The following PPARGC1A variants were observed in gnomAD, a reference collection of about 807,000 sequenced individuals.
PPARGC1A encodes the protein peroxisome proliferator-activated receptor gamma coactivator 1-alpha.
In PPARGC1A, 25 loss-of-function variants were observed where a neutral mutation model predicts 88.7. The observed-to-expected ratio is 0.28, with a 90% CI of 0.21 to 0.39. The LOEUF is 0.39. Among genes scored for constraint, PPARGC1A ranks in the 10% least tolerant of loss-of-function variants. The probability of loss-of-function intolerance (pLI) is 1.00; values close to 1 mark genes in which losing one functional copy is unlikely to be tolerated. For synonymous variants in PPARGC1A, 363 were observed against 355.6 expected (o/e 1.02, Z -0.24); for missense variants, 880 against 968.7 (o/e 0.91, Z 1.22).
chr4:24,157,384 C>T, the PPARGC1A span, among the ~76,000 whole-genome samples: 149 of 152,302 alleles, frequency 9.8e-4, no homozygotes, highest in South Asian at 7.3e-3. Context: ...TCAGAATCTC[C>T]TTGGTGTGCT....
At chr4:24,139,990 C>T in the PPARGC1A span, among the ~76,000 whole-genome samples, 1 of 152,204 alleles carries the variant, frequency 6.6e-6, no homozygotes, top group African/African-American at 2.4e-5. Flanking sequence ...CAGGTTTGCT[C>T]CTTCCCTGTG....
At chr4:24,214,040 T>C in the PPARGC1A span, among the ~76,000 whole-genome samples, 3 of 152,112 alleles carry the variant, frequency 2.0e-5, no homozygotes, top group Non-Finnish European at 2.9e-5. Context: ...AAAACACACA[T>C]AAAAATTCCG....
the PPARGC1A span, among the ~76,000 whole-genome samples, chr4:23,963,625 T>G: frequency 6.6e-6 from 1 of 152,154 alleles, no homozygotes; most frequent in Non-Finnish European, 1.5e-5. Flanking sequence ...AAGATCTACA[T>G]GGAGGCACAG....
the PPARGC1A span, among the ~76,000 whole-genome samples, chr4:24,356,216 A>AGAG: frequency 2.7e-5 from 4 of 150,430 alleles, no homozygotes; most frequent in African/African-American, 9.8e-5. Context: ...AAAAAAAAAA[A>AGAG]AGAGAGAGAG....
At chr4:24,175,883 C>T in the PPARGC1A span, among the ~76,000 whole-genome samples, 3 of 152,078 alleles carry the variant, frequency 2.0e-5, no homozygotes, top group Non-Finnish European at 4.4e-5. Context: ...ACCATTCCCA[C>T]GGGCAGCACA....
At chr4:24,150,388 GC>G in the PPARGC1A span, among the ~76,000 whole-genome samples, 1 of 152,158 alleles carries the variant, frequency 6.6e-6, no homozygotes, top group Non-Finnish European at 1.5e-5. Flanking sequence ...TGGCTTTGAA[GC>G]CTCTGTTCTT....
the PPARGC1A span, among the ~76,000 whole-genome samples, chr4:24,350,091 G>T: frequency 1.3e-5 from 2 of 152,232 alleles, no homozygotes; most frequent in Non-Finnish European, 2.9e-5. Flanking sequence ...TGGGGGGTGT[G>T]TTCGGGAGAG....
At chr4:24,013,821 T>C in the PPARGC1A span, among the ~76,000 whole-genome samples, 1 of 152,222 alleles carries the variant, frequency 6.6e-6, no homozygotes, top group East Asian at 1.9e-4. Flanking sequence ...TGTGAAGCAC[T>C]GCTAGGGTGC....
chr4:23,947,467 T>C, the PPARGC1A span, among the ~76,000 whole-genome samples: 1 of 149,350 alleles, frequency 6.7e-6, no homozygotes, highest in Non-Finnish European at 1.5e-5. Context: ...ACGCTGCTGG[T>C]AAGAAGTGAA....
At chr4:23,846,624 A>C (rs1728371526) in intron 2 of PPARGC1A, among the ~76,000 whole-genome samples, 1 of 152,158 alleles carries the variant, frequency 6.6e-6, no homozygotes, top group Non-Finnish European at 1.5e-5. Flanking sequence ...CTGTGCATCA[A>C]AATTAGTGTC....
At chr4:23,892,729 T>A (rs1652860645), upstream of PPARGC1A, among the ~76,000 whole-genome samples, 1 of 152,126 alleles carries the variant, frequency 6.6e-6, no homozygotes. Flanking sequence ...TTCCCAAATA[T>A]CTGGTTTCAG....
chr4:24,274,810 A>AT, the PPARGC1A span, among the ~76,000 whole-genome samples: 38 of 151,404 alleles, frequency 2.5e-4, no homozygotes, highest in Middle Eastern at 3.4e-3. Flanking sequence ...GCAAATCTAC[A>AT]TTTTTTTTTA....
chr4:24,092,094 A>G, the PPARGC1A span, among the ~76,000 whole-genome samples: 1 of 152,088 alleles, frequency 6.6e-6, no homozygotes, highest in African/African-American at 2.4e-5. Flanking sequence ...CAGCGTATGA[A>G]TCACTCAGCA....
chr4:24,238,605 CG>C, the PPARGC1A span, among the ~76,000 whole-genome samples: 1 of 152,044 alleles, frequency 6.6e-6, no homozygotes, highest in Non-Finnish European at 1.5e-5. Flanking sequence ...GCTCTACAAA[CG>C]TAAGTTATTA....
At chr4:23,827,172 GT>G (rs2109639627) in intron 5 of PPARGC1A, among the ~76,000 whole-genome samples, 1 of 152,280 alleles carries the variant, frequency 6.6e-6, no homozygotes, top group South Asian at 2.1e-4. Context: ...CTGACAGAAA[GT>G]GATGGGCAGT....
Position 23,802,255 on chromosome 4 carries a change from C to T in PPARGC1A, c.2110G>A (p.Glu704Lys), listed in dbSNP as rs751891496. The T allele has an allele frequency of 6.2e-7, 1 of 1,614,064 alleles. No individual in the cohort carries two copies. Among genetic ancestry groups the T allele is most frequent in the Admixed American group, 1.7e-5 (1 of 60,014 alleles). ...RDRFEVFGEI[E>K]ECTVNLRDDG... ...TCCCGCAGATTTACTGTGCACTCCTCAATTTCACCAAAAACTTCAAAACGG... is the reference window on the plus strand; with the variant it reads ...TCCCGCAGATTTACTGTGCACTCCTTAATTTCACCAAAAACTTCAAAACGG... Residue 704 changes from glutamate to lysine, a missense_variant, in exon 11 of 13, where the codon GAG (glutamate) becomes AAG (lysine). By Grantham distance (56) the Glu-to-Lys change is moderately conservative. Coordinates refer to ENST00000264867, the MANE Select transcript of PPARGC1A (RefSeq NM_013261.5).
At chr4:24,028,338 G>T in the PPARGC1A span, among the ~76,000 whole-genome samples, 3 of 152,154 alleles carry the variant, frequency 2.0e-5, no homozygotes, top group African/African-American at 7.2e-5. Context: ...AATATTAACT[G>T]CATCGAATCA....
the PPARGC1A span, among the ~76,000 whole-genome samples, chr4:23,943,742 C>T: frequency 1.4e-4 from 21 of 152,226 alleles, no homozygotes; most frequent in South Asian, 8.3e-4. Flanking sequence ...CCATGACCTC[C>T]GGTGATCAAA....
At chr4:24,060,720 T>A in the PPARGC1A span, among the ~76,000 whole-genome samples, 1 of 152,222 alleles carries the variant, frequency 6.6e-6, no homozygotes, top group South Asian at 2.1e-4. Flanking sequence ...AATGAAATCT[T>A]TCTTTGTGCT....
Sources: allele counts gnomAD v4.1 joint callset (sites outside exome capture counted in the v4.1 genomes callset), GRCh38; gene constraint gnomAD v4.1.1; transcripts MANE v1.5; gene names NCBI Gene and HGNC (gene_info 2026-07-23, HGNC 2026-07-21).